TMEM178B: variants seen among roughly 807,000 people sequenced by gnomAD.
TMEM178B encodes transmembrane protein 178B.
A neutral mutation model predicts 31.0 loss-of-function variants in TMEM178B; 5 were observed. The observed-to-expected ratio is 0.16, with a 90% CI of 0.08 to 0.34. The LOEUF (loss-of-function observed/expected upper bound fraction) is 0.34, where lower values mean the gene tolerates loss of function less well. Among genes scored for constraint, TMEM178B ranks in the 10% least tolerant of loss-of-function variants. TMEM178B has a pLI of 1.00. For synonymous variants in TMEM178B, 164 were observed against 164.0 expected, an observed-to-expected ratio of 1.00 and a Z score of 0.00; for missense variants, 275 against 400.3, an observed-to-expected ratio of 0.69 and a Z score of 2.67.
chr7:141,149,287 TG>T (rs1201691265), intron 1 of TMEM178B, among the ~76,000 whole-genome samples: 1 of 152,210 alleles, frequency 6.6e-6, no homozygotes, highest in African/African-American at 2.4e-5. Context: ...CCAGGTGCAG[TG>T]GCTCAGGCCT....
chr7:141,441,641 C>T (rs1801661161), intron 3 of TMEM178B, among the ~76,000 whole-genome samples: 1 of 152,056 alleles, frequency 6.6e-6, no homozygotes, highest in African/African-American at 2.4e-5. Context: ...GAAGAGGCAG[C>T]AAGAATGAAG....
intron 2 of TMEM178B, among the ~76,000 whole-genome samples, chr7:141,307,260 G>A (rs1798830277): frequency 6.6e-6 from 1 of 152,290 alleles, no homozygotes; most frequent in Middle Eastern, 3.4e-3. Context: ...TTTAAAGGGG[G>A]CAATATTTTT....
At chr7:141,237,936 T>C (rs1326153301) in intron 2 of TMEM178B, among the ~76,000 whole-genome samples, 2 of 149,400 alleles carry the variant, frequency 1.3e-5, no homozygotes, top group Non-Finnish European at 3.0e-5. Flanking sequence ...GGCAGGAGAA[T>C]CGCTTGAACC....
chr7:141,372,313 C>T (rs956788300), intron 2 of TMEM178B, among the ~76,000 whole-genome samples: 2 of 152,144 alleles, frequency 1.3e-5, no homozygotes, highest in African/African-American at 2.4e-5. Flanking sequence ...ATCCTCTCCT[C>T]GCTGTCTCTG....
At chr7:141,232,788 A>G (rs1797467980) in intron 2 of TMEM178B, among the ~76,000 whole-genome samples, 1 of 152,100 alleles carries the variant, frequency 6.6e-6, no homozygotes, top group Non-Finnish European at 1.5e-5. Flanking sequence ...TACTTTTACC[A>G]GCAGGCAGGG....
chr7:141,390,442 A>T (rs1800513761), intron 2 of TMEM178B, among the ~76,000 whole-genome samples: 2 of 152,244 alleles, frequency 1.3e-5, no homozygotes, highest in South Asian at 4.1e-4. Flanking sequence ...TTTCAGACAG[A>T]TCAGCTCCCA....
At chr7:141,190,979 A>G (rs578217526) in intron 1 of TMEM178B, among the ~76,000 whole-genome samples, 1 of 152,274 alleles carries the variant, frequency 6.6e-6, no homozygotes, top group African/African-American at 2.4e-5. Context: ...GGAAACTGCA[A>G]TTTTAAGTGA....
chr7:141,217,043 C>T (rs557066451), intron 2 of TMEM178B, among the ~76,000 whole-genome samples: 6 of 152,260 alleles, frequency 3.9e-5, no homozygotes, highest in South Asian at 2.1e-4. Context: ...GTCTGGTTTA[C>T]GTTTTAAATA....
intron 2 of TMEM178B, among the ~76,000 whole-genome samples, chr7:141,248,183 G>C (rs1460129158): frequency 6.6e-6 from 1 of 152,098 alleles, no homozygotes; most frequent in Non-Finnish European, 1.5e-5. Context: ...GGCTGAGGTG[G>C]GCAGATAATT....
At chr7:141,458,716 C>G (rs1386428693) in intron 3 of TMEM178B, among the ~76,000 whole-genome samples, 2 of 152,152 alleles carry the variant, frequency 1.3e-5, no homozygotes, top group Admixed American at 1.3e-4. Context: ...AATTTTAACT[C>G]TTCACATTCA....
chr7:141,089,763 A>G (rs537095301), intron 1 of TMEM178B, among the ~76,000 whole-genome samples: 1 of 152,098 alleles, frequency 6.6e-6, no homozygotes, highest in Non-Finnish European at 1.5e-5. Flanking sequence ...TGCAAGGACA[A>G]AAAACCAAAC....
intron 1 of TMEM178B, among the ~76,000 whole-genome samples, chr7:141,149,044 G>C (rs531906269): frequency 3.3e-5 from 5 of 152,282 alleles, no homozygotes; most frequent in African/African-American, 1.2e-4. Context: ...AGGCTGTGAG[G>C]ATCATGGCTT....
At chr7:141,507,770 G>A in the TMEM178B span, among the ~76,000 whole-genome samples, 3 of 152,204 alleles carry the variant, frequency 2.0e-5, 1 homozygote, top group Admixed American at 1.3e-4. Context: ...AGCCCAAGCT[G>A]TATGTTGGCC....
chr7:141,451,107 G>A (rs532465101), intron 3 of TMEM178B, among the ~76,000 whole-genome samples: 22 of 152,314 alleles, frequency 1.4e-4, no homozygotes, highest in African/African-American at 5.1e-4. Context: ...GAGGAAGACA[G>A]GTCAAGAAGG....
intron 2 of TMEM178B, among the ~76,000 whole-genome samples, chr7:141,220,001 T>C (rs1219003761): frequency 2.0e-5 from 3 of 152,232 alleles, no homozygotes; most frequent in East Asian, 1.9e-4. Flanking sequence ...AAGGGAATTA[T>C]AGGTAACGTA....
intron 2 of TMEM178B, among the ~76,000 whole-genome samples, chr7:141,379,971 A>G (rs371279791): frequency 9.2e-5 from 14 of 152,262 alleles, no homozygotes; most frequent in African/African-American, 3.4e-4. Flanking sequence ...GTAAATTTAC[A>G]GAATTTTACA....
rs1317296435 is a variant in TMEM178B at position 141,171,585 on chromosome 7, G to A, written c.383-41006G>A. 6.6e-6 allele frequency among the ~76,000 whole-genome samples: 1 copy of A among 152,186 alleles called. No individual in the cohort carries two copies. The highest frequency in any genetic ancestry group is 2.4e-5 in the African/African-American group (1 of 41,436). The stretch of plus-strand genomic sequence containing the variant: ...TATTTATTCTGAAGTGGGGATGCAC[G>A]ACCACCTTGCCAGGCCTCGGTCTCC... On this transcript the variant is annotated intron_variant, in intron 1 of 3. Transcript: ENST00000565468. The surrounding 1 kb of genome is among the most constrained non-coding windows in gnomAD (Gnocchi z 4.3).
intron 1 of TMEM178B, among the ~76,000 whole-genome samples, chr7:141,119,289 T>A (rs1795371754): frequency 6.6e-6 from 1 of 152,142 alleles, no homozygotes; most frequent in African/African-American, 2.4e-5. Context: ...ATGGGGGCAT[T>A]AATTACCTGG....
intron 2 of TMEM178B, among the ~76,000 whole-genome samples, chr7:141,220,132 A>G (rs1407901086): frequency 1.3e-5 from 2 of 152,012 alleles, no homozygotes; most frequent in East Asian, 1.9e-4. Flanking sequence ...CAGTCTGGCT[A>G]ACATAGTGAA....
Sources: gnomAD v4.1 joint callset for allele counts (sites outside exome capture counted in the v4.1 genomes callset) on GRCh38, gnomAD v4.1.1 for gene constraint, Gnocchi (gnomAD v3.1) non-coding constraint, MANE v1.5 for transcripts, NCBI Gene and HGNC (gene_info 2026-07-23, HGNC 2026-07-21) for gene names.